DCST1: variants seen among roughly 807,000 people sequenced by gnomAD.
The protein encoded by DCST1 is E3 ubiquitin-protein ligase DCST1.
Under a neutral mutation model 89.1 loss-of-function variants are expected in DCST1, and 78 were observed. That is an observed-to-expected ratio of 0.88 (90% confidence interval 0.73 to 1.06). The LOEUF (loss-of-function observed/expected upper bound fraction) is 1.06. DCST1 is among the 50% of genes least tolerant of loss of function. DCST1 has a pLI of 0.00. For synonymous variants in DCST1, 364 were observed against 371.9 expected (o/e 0.98, Z 0.24); for missense variants, 900 against 928.6 (o/e 0.97, Z 0.40).
intron 10 of DCST1, 130 bp downstream of exon 10, chr1:155,043,639 CTTTG>C (rs1224836385): frequency 8.4e-7 from 1 of 1,196,558 alleles, no homozygotes; most frequent in Non-Finnish European, 1.1e-6. Context: ...TTACCTTTGT[CTTTG>C]TTTACACAAA....
chr1:155,049,417 ATT>A (rs35719405), intron 16 of DCST1, among the ~76,000 whole-genome samples: 5 of 146,200 alleles, frequency 3.4e-5, no homozygotes, highest in Non-Finnish European at 4.5e-5. Context: ...ATTGAATTGA[ATT>A]TTTTTTTTTT....
chr1:155,048,028 T>C (rs779979687), intron 15 of DCST1, 29 bp from the exon 16 acceptor site: 2 of 1,613,568 alleles, frequency 1.2e-6, no homozygotes, highest in South Asian at 2.2e-5. Context: ...GATGCCTTTC[T>C]CTATCATTGA....
At position 155,041,383 on chromosome 1, in the gene DCST1, A is replaced by G; in HGVS notation, c.532-14A>G. Reference sequence around the variant, plus strand: ...CCAGCCCTCACCCTTTCCTCCCTCCACCTCCAATCCCAGAGTAGCAAAGAA... The same window carrying G: ...CCAGCCCTCACCCTTTCCTCCCTCCGCCTCCAATCCCAGAGTAGCAAAGAA... On this transcript the variant is annotated splice_polypyrimidine_tract_variant and intron_variant, in intron 6 of 16. Coordinates refer to ENST00000295542, the MANE Select transcript of DCST1 (RefSeq NM_152494.4). The G allele has an allele frequency of 6.2e-7, 1 of 1,613,042 alleles. No homozygotes were observed. Among genetic ancestry groups the G allele is most frequent in the Non-Finnish European group, 8.5e-7 (1 of 1,179,850 alleles).
chr1:155,035,026 G>A (rs982743389), intron 4 of DCST1: 4 of 379,258 alleles, frequency 1.1e-5, no homozygotes, highest in African/African-American at 4.1e-5. Flanking sequence ...GTCTGACCTC[G>A]TTTTCTGATC....
intron 4 of DCST1, among the ~76,000 whole-genome samples, chr1:155,036,522 C>T (rs1302696684): frequency 6.6e-6 from 1 of 152,246 alleles, no homozygotes; most frequent in Non-Finnish European, 1.5e-5. Flanking sequence ...AGGCCTGCTC[C>T]CTAGCATGGG....
chr1:155,042,069 C>A (rs1268082097), intron 8 of DCST1, among the ~76,000 whole-genome samples: 2 of 152,168 alleles, frequency 1.3e-5, no homozygotes, highest in African/African-American at 2.4e-5. Context: ...CTGAAAGATG[C>A]GCATGGGCAG....
Position 155,039,423 on chromosome 1 carries a change from G to T in DCST1, c.283G>T (p.Gly95Trp), listed in dbSNP as rs1408906238. ...SLVGLGAMGWGTSPHIRCASL... is the reference protein window; with the variant it reads ...SLVGLGAMGWWTSPHIRCASL... ...GACAGGCTTGGGGGCCATGGGCTGG[G>T]GGACCTCCCCTCACATCCGCTGTGC... Residue 95 changes from glycine to tryptophan, a missense_variant, in exon 5 of 17, where the codon GGG becomes TGG. Physicochemically the swap from Gly to Trp is radical, Grantham distance 184. Coordinates refer to ENST00000295542, the MANE Select transcript of DCST1 (RefSeq NM_152494.4). 1 of 1,593,784 alleles carries T rather than the reference G, an allele frequency of 6.3e-7. No homozygotes were observed. The highest frequency in any genetic ancestry group is 1.3e-5 in the African/African-American group (1 of 74,448).
chr1:155,045,630 CTCT>C (rs1326059833), intron 10 of DCST1: 1 of 502,578 alleles, frequency 2.0e-6, no homozygotes, highest in African/African-American at 1.9e-5. Flanking sequence ...CCATGCCCTC[CTCT>C]GAGCCCCCAC....
At chr1:155,041,238 C>T (rs560847754) in intron 6 of DCST1, among the ~76,000 whole-genome samples, 159 bp from the exon 7 acceptor site, 5 of 152,204 alleles carry the variant, frequency 3.3e-5, no homozygotes, top group South Asian at 2.1e-4. Context: ...AATGGACAGC[C>T]GGGAATTTGA....
chr1:155,035,926 A>G (rs527562003), intron 4 of DCST1, among the ~76,000 whole-genome samples: 64 of 152,014 alleles, frequency 4.2e-4, no homozygotes, highest in African/African-American at 1.5e-3. Flanking sequence ...GCGAAAGGCC[A>G]TCTCAAAAAA....
chr1:155,041,330 G>C (rs1449484944), intron 6 of DCST1, 67 bp from the exon 7 acceptor site: 1 of 1,541,092 alleles, frequency 6.5e-7, no homozygotes, highest in African/African-American at 1.4e-5. Context: ...GGGAGGACAG[G>C]CCCTCAGGCA....
Position 155,041,493 on chromosome 1 carries a change from G to A in DCST1, c.628G>A (p.Glu210Lys), listed in dbSNP as rs766533939. ...QVNSETGYTP[E>K]DTMDSGETAQ... ...GAATAGTGAGACGGGCTACACGCCTGAGGATACCATGGACTCAGGGGAGAC... is the reference window on the plus strand; with the variant it reads ...GAATAGTGAGACGGGCTACACGCCTAAGGATACCATGGACTCAGGGGAGAC... The change falls in exon 7 of 17, where the codon GAG becomes AAG. Residue 210 changes from glutamate (E) to lysine (K), a missense_variant. By Grantham distance (56) the Glu-to-Lys change is moderately conservative (BLOSUM62 1). Coordinates refer to ENST00000295542, the MANE Select transcript of DCST1 (RefSeq NM_152494.4). 6.2e-7 allele frequency: 1 copy of A among 1,614,104 alleles called. No homozygotes were observed. Among genetic ancestry groups the A allele is most frequent in the Non-Finnish European group, 8.5e-7 (1 of 1,180,036 alleles).
rs138161806 is a variant in DCST1 at position 155,047,221 on chromosome 1, C to T, written c.1521C>T (p.Val507=). 2.1e-4 allele frequency: 340 copies of T among 1,614,020 alleles called. No individual in the cohort carries two copies. Among genetic ancestry groups the T allele is most frequent in the Non-Finnish European group, 2.6e-4 (309 of 1,180,016 alleles). ...FRSSHKLEVK[V]GGDSMLARLL... ...GCAGTCATAAACTGGAGGTGAAGGT[C>T]GGGGGAGACTCCATGCTAGCCCGGC... The change falls in exon 14 of 17, where the codon GTC becomes GTT. Residue 507 remains valine (V), a synonymous_variant. Transcript: ENST00000295542.
rs528712957 is a variant in DCST1, at chr1:155,045,770, T to C, written c.1173-123T>C. On this transcript the variant is annotated intron_variant, in intron 10 of 16. Transcript: ENST00000295542. ...CCATCCCCTAGCAGTGCCCAGGACA[T>C]AGATGGTGCTCAATGAATGCTGGCT... The C allele has an allele frequency of 2.4e-5, 19 of 782,408 alleles. No homozygotes were observed. In the Admixed American group the frequency reaches 3.3e-4, roughly 14 times the overall value. The allele number at this position is 782,408 out of a possible 1,614,324, so 48.5% of individuals were successfully genotyped here.
At chr1:155,035,801 A>T (rs1185562181) in intron 4 of DCST1, among the ~76,000 whole-genome samples, 1 of 152,020 alleles carries the variant, frequency 6.6e-6, no homozygotes, top group Non-Finnish European at 1.5e-5. Context: ...GTGGTGGTGC[A>T]CACCTGTAGT....
At position 155,043,408 on chromosome 1, in the gene DCST1, C is replaced by A. The variant is rs139752661; in HGVS notation, c.1071C>A (p.Thr357=). The change falls in exon 10 of 17, where the codon ACC becomes ACA. Residue 357 remains threonine (T), a synonymous_variant. Transcript: ENST00000295542. Reference sequence around the variant, plus strand: ...ACACAAGCTGGGAGCGCGTGAGCACCGAGGTGCGGGACTACGTGTACCGCC... The same window carrying A: ...ACACAAGCTGGGAGCGCGTGAGCACAGAGGTGCGGGACTACGTGTACCGCC... ...GLNTSWERVS[T]EVRDYVYRQE... 6.2e-7 allele frequency: 1 copy of A among 1,613,788 alleles called. No individual in the cohort carries two copies. The highest frequency in any genetic ancestry group is 1.3e-5 in the African/African-American group (1 of 74,866).
At chr1:155,042,248 G>A (rs950586109) in intron 8 of DCST1, among the ~76,000 whole-genome samples, 12 of 152,168 alleles carry the variant, frequency 7.9e-5, no homozygotes, top group Non-Finnish European at 7.4e-5. Context: ...ACAGGTGGCC[G>A]CCACCATGCC....
At chr1:155,047,474 G>T (rs568922148) in intron 14 of DCST1, among the ~76,000 whole-genome samples, 162 bp downstream of exon 14, 1 of 152,340 alleles carries the variant, frequency 6.6e-6, no homozygotes, top group Non-Finnish European at 1.5e-5. Context: ...ATCTGGGCAG[G>T]CTTGAAAAAG....
At position 155,043,401 on chromosome 1, in the gene DCST1, T is replaced by TGAGCACCGAGGTGCGGGACTAC. The variant is rs1475741605; in HGVS notation, c.1066_1087dup (p.Val363GlufsTer45). Reference sequence around the variant, plus strand: ...GGGCTCAACACAAGCTGGGAGCGCGTGAGCACCGAGGTGCGGGACTACGTG... The same window carrying TGAGCACCGAGGTGCGGGACTAC: ...GGGCTCAACACAAGCTGGGAGCGCGTGAGCACCGAGGTGCGGGACTACGAGCACCGAGGTGCGGGACTACGTG... On this transcript the variant is annotated frameshift_variant, in exon 10 of 17. Coordinates refer to ENST00000295542, the MANE Select transcript of DCST1 (RefSeq NM_152494.4). LOFTEE classifies it high-confidence loss of function. 1 of 1,613,830 alleles carries TGAGCACCGAGGTGCGGGACTAC rather than the reference T, an allele frequency of 6.2e-7. No homozygotes were observed. The highest frequency in any genetic ancestry group is 8.5e-7 in the Non-Finnish European group (1 of 1,179,948).
Sources: allele counts gnomAD v4.1 joint callset (sites outside exome capture counted in the v4.1 genomes callset), GRCh38; gene constraint gnomAD v4.1.1; transcripts MANE v1.5; gene names NCBI Gene and HGNC (gene_info 2026-07-23, HGNC 2026-07-21).